Variants in GRM7 observed in about 807,000 individuals in gnomAD.
GRM7 encodes metabotropic glutamate receptor 7.
Under a neutral mutation model 84.5 loss-of-function variants are expected in GRM7, and 35 were observed. The observed-to-expected ratio is 0.41, with a 90% confidence interval of 0.32 to 0.55. GRM7 has a LOEUF of 0.55. Ranked by LOEUF, GRM7 falls within the 20% of genes least tolerant of loss-of-function variation. The pLI is 0.19. For missense variants in GRM7, 1,003 were observed against 1,194.6 expected, an observed-to-expected ratio of 0.84 and a Z score of 2.36; for synonymous variants, 487 against 455.1, an observed-to-expected ratio of 1.07 and a Z score of -0.89.
intron 8 of GRM7, among the ~76,000 whole-genome samples, chr3:7,648,123 T>A (rs1382637878): frequency 1.3e-5 from 2 of 152,172 alleles, no homozygotes; most frequent in East Asian, 3.9e-4. Context: ...TCCAGAGCAG[T>A]ATCTAAAGCT....
chr3:7,276,207 ATGTG>A (rs923161861), intron 2 of GRM7, among the ~76,000 whole-genome samples: 1,190 of 96,644 alleles, frequency 0.012, 7 homozygotes, highest in Middle Eastern at 0.025. Context: ...ATATATATAT[ATGTG>A]TGTGTGTGTG....
intron 2 of GRM7, among the ~76,000 whole-genome samples, chr3:7,228,120 C>A (rs1697041789): frequency 6.6e-6 from 1 of 152,098 alleles, no homozygotes; most frequent in Non-Finnish European, 1.5e-5. Flanking sequence ...AGTGAAGTTT[C>A]CTGCTAGGAT....
At chr3:7,408,408 T>C (rs1695772479) in intron 4 of GRM7, among the ~76,000 whole-genome samples, 1 of 152,176 alleles carries the variant, frequency 6.6e-6, no homozygotes, top group Non-Finnish European at 1.5e-5. Flanking sequence ...TGTGGAATAA[T>C]TTTCGTTGCA....
In GRM7 at chr3:7,306,703, C is replaced by G. The variant is rs763041353; in HGVS notation, c.1033+51C>G. 8 of 1,460,994 alleles carry G rather than the reference C, an allele frequency of 5.5e-6. No homozygotes were observed. The South Asian group carries it at 9.3e-5, about 17-fold the overall frequency. 90.5% of individuals were successfully genotyped at this position (1,460,994 alleles called of 1,614,324 possible). ...TGCTGAGAGAAGTTCTGGTGCCATGCTGAATGGCCAAGCATGTGACTTTTT... is the reference window on the plus strand; with the variant it reads ...TGCTGAGAGAAGTTCTGGTGCCATGGTGAATGGCCAAGCATGTGACTTTTT... On this transcript the variant is annotated intron_variant, in intron 4 of 9. Coordinates refer to ENST00000357716, the MANE Select transcript of GRM7 (RefSeq NM_000844.4).
chr3:7,146,664 G>T lies in GRM7; in HGVS notation c.732G>T (p.Glu244Asp). The T allele has an allele frequency of 6.2e-7, 1 of 1,609,886 alleles. No individual in the cohort carries two copies. Residue 244 changes from glutamate (E) to aspartate (D), a missense_variant, in exon 2 of 10, where the codon GAG (glutamate) becomes GAT (aspartate). Physicochemically the swap from Glu to Asp is conservative, Grantham distance 45. Around this residue, in one of 2 missense-constraint regions of GRM7, gnomAD observed 910 missense variants for 1,126.0 expected, o/e 0.81. Transcript: ENST00000357716. ...GVESFTQISK[E>D]AGGLCIAQSV... ...AGTCCTTCACGCAGATTTCCAAAGA[G>T]GCAGGTAGGATGAGATTGCTCTGAT...
intron 4 of GRM7, among the ~76,000 whole-genome samples, chr3:7,348,765 C>CA (rs1370724228): frequency 1.5e-4 from 23 of 152,194 alleles, no homozygotes; most frequent in African/African-American, 5.5e-4. Context: ...GAAACTATAG[C>CA]AATAGGGCCT....
intron 1 of GRM7, among the ~76,000 whole-genome samples, chr3:6,889,789 A>G (rs1695859064): frequency 6.6e-6 from 1 of 152,116 alleles, no homozygotes. Flanking sequence ...ATTGATTGGA[A>G]TAGTTTCAGA....
chr3:7,416,042 G>A (rs2125182040), intron 5 of GRM7, among the ~76,000 whole-genome samples: 1 of 152,256 alleles, frequency 6.6e-6, no homozygotes, highest in Admixed American at 6.5e-5. Context: ...AAGGAAAATA[G>A]GTTGGAGAAT....
intron 1 of GRM7, among the ~76,000 whole-genome samples, chr3:7,024,702 A>G (rs920731631): frequency 7.8e-4 from 119 of 152,350 alleles, no homozygotes; most frequent in African/African-American, 2.7e-3. Context: ...AGTTGAGCCT[A>G]GAAGGGGCTG....
intron 1 of GRM7, among the ~76,000 whole-genome samples, chr3:7,039,764 C>A (rs886416979): frequency 6.6e-6 from 1 of 151,836 alleles, no homozygotes; most frequent in Non-Finnish European, 1.5e-5. Flanking sequence ...TCTGTTCCAC[C>A]AGCGATGGAT....
intron 4 of GRM7, among the ~76,000 whole-genome samples, chr3:7,368,026 CTAA>C (rs1350994204): frequency 8.2e-6 from 1 of 121,800 alleles, no homozygotes; most frequent in African/African-American, 2.7e-5. Context: ...AGAAAAAATT[CTAA>C]GAAGTCTTAT....
intron 7 of GRM7, among the ~76,000 whole-genome samples, chr3:7,516,243 C>T (rs1434274126): frequency 1.3e-5 from 2 of 149,620 alleles, no homozygotes; most frequent in South Asian, 2.1e-4. Context: ...AAGCCGAAGC[C>T]GAGGCGGGCA....
chr3:7,163,288 A>C (rs1022615539), intron 2 of GRM7, among the ~76,000 whole-genome samples: 1 of 152,178 alleles, frequency 6.6e-6, no homozygotes, highest in Non-Finnish European at 1.5e-5. Context: ...GGGCCCCCCA[A>C]ATGGCATCCA....
intron 2 of GRM7, among the ~76,000 whole-genome samples, chr3:7,260,677 G>A (rs1468407012): frequency 6.6e-6 from 1 of 150,758 alleles, no homozygotes; most frequent in African/African-American, 2.4e-5. Context: ...TTTGAATTGT[G>A]TGTGTGTGTG....
rs558935189 is a variant in GRM7 at position 7,392,402 on chromosome 3, C to T, written c.1034-22621C>T. 2.6e-5 allele frequency among the ~76,000 whole-genome samples: 4 copies of T among 152,330 alleles called. No homozygotes were observed. In the East Asian group the frequency reaches 7.7e-4, roughly 29 times the overall value. On this transcript the variant is annotated intron_variant, in intron 4 of 9. Coordinates refer to ENST00000357716, the MANE Select transcript of GRM7 (RefSeq NM_000844.4). ...TGCTGCCCAGTTTTGGCTATGGAGG[C>T]CCTTCCCACGCTCCAGAGCAAGCCC...
At chr3:7,207,615 A>T (rs1165581563) in intron 2 of GRM7, among the ~76,000 whole-genome samples, 1 of 152,196 alleles carries the variant, frequency 6.6e-6, no homozygotes. Context: ...AAAGGGCTAG[A>T]AGCAAATTCC....
At chr3:7,001,925 G>C (rs1695027072) in intron 1 of GRM7, among the ~76,000 whole-genome samples, 1 of 152,196 alleles carries the variant, frequency 6.6e-6, no homozygotes, top group African/African-American at 2.4e-5. Context: ...GACTCTTACT[G>C]TAGTATGCAT....
At chr3:7,454,101 C>A (rs879521088) in intron 6 of GRM7, among the ~76,000 whole-genome samples, 4,184 of 151,132 alleles carry the variant, frequency 0.028, 101 homozygotes, top group Non-Finnish European at 0.044. Flanking sequence ...CTCTCTCTCT[C>A]TCTCTCTCTC....
chr3:7,415,636 C>T (rs960724322), intron 5 of GRM7, among the ~76,000 whole-genome samples: 1 of 152,100 alleles, frequency 6.6e-6, no homozygotes. Context: ...AAAATATTCA[C>T]GGCTCCTTAT....
Sources: allele counts gnomAD v4.1 joint callset (sites outside exome capture counted in the v4.1 genomes callset), GRCh38; gene constraint gnomAD v4.1.1; regional missense constraint gnomAD v4.1.1; transcripts MANE v1.5; gene names NCBI Gene and HGNC (gene_info 2026-07-23, HGNC 2026-07-21).